Variants in UGT1A8 observed in about 807,000 individuals in gnomAD.
UGT1A8 encodes the protein UDP glucuronosyltransferase family 1 member A8.
Under a neutral mutation model 45.3 loss-of-function variants are expected in UGT1A8, and 39 were observed. The observed-to-expected ratio is 0.86, with a 90% CI of 0.67 to 1.12. The LOEUF is 1.12. Among genes scored for constraint, UGT1A8 ranks in the 50% most tolerant of loss-of-function variants. The probability of loss-of-function intolerance (pLI) is 0.00; values close to 1 mark genes in which losing one functional copy is unlikely to be tolerated. For synonymous variants in UGT1A8, 275 were observed against 249.2 expected (o/e 1.10, Z -0.97); for missense variants, 719 against 664.9 (o/e 1.08, Z -0.90).
At chr2:233,758,825 C>A (rs929060485) in intron 1 of UGT1A8, among the ~76,000 whole-genome samples, 2 of 152,114 alleles carry the variant, frequency 1.3e-5, no homozygotes, top group Admixed American at 6.5e-5. Flanking sequence ...ATATCCCCCC[C>A]AAAAAGAGTG....
intron 1 of UGT1A8, among the ~76,000 whole-genome samples, chr2:233,727,195 C>T (rs2077591611): frequency 6.6e-6 from 1 of 152,150 alleles, no homozygotes; most frequent in Non-Finnish European, 1.5e-5. Flanking sequence ...GCTGGGGTGA[C>T]CTCACTGACA....
At chr2:233,638,025 C>T (rs2073347544) in intron 1 of UGT1A8, among the ~76,000 whole-genome samples, 1 of 152,128 alleles carries the variant, frequency 6.6e-6, no homozygotes, top group African/African-American at 2.4e-5. Context: ...TGTGTAAACA[C>T]TCTTCAATAC....
In UGT1A8 at chr2:233,628,271, C is replaced by A. The variant is rs1030485641; in HGVS notation, c.855+9709C>A. On this transcript the variant is annotated intron_variant, in intron 1 of 4. Coordinates refer to ENST00000373450, the MANE Select transcript of UGT1A8 (RefSeq NM_019076.5). The stretch of plus-strand genomic sequence containing the variant: ...CTGCACATGGTTTCTGCAGTCATGG[C>A]ATAGCTTTAAAAATTTTTAGATATT... Among the ~76,000 whole-genome samples, 3 of 152,132 alleles carry A rather than the reference C, an allele frequency of 2.0e-5. No individual in the cohort carries two copies. The East Asian group carries it at 5.8e-4, about 29-fold the overall frequency.
At chr2:233,642,771 A>T (rs1042779881) in intron 1 of UGT1A8, among the ~76,000 whole-genome samples, 1 of 152,168 alleles carries the variant, frequency 6.6e-6, no homozygotes, top group South Asian at 2.1e-4. Context: ...AGACTTGTAG[A>T]TGTATTGCCT....
intron 1 of UGT1A8, among the ~76,000 whole-genome samples, chr2:233,623,276 G>T (rs1009643080): frequency 6.6e-6 from 1 of 152,158 alleles, no homozygotes; most frequent in Non-Finnish European, 1.5e-5. Flanking sequence ...GTCAATGGTG[G>T]CTTGATGGGG....
At chr2:233,700,072 A>C (rs2075542026) in intron 1 of UGT1A8, among the ~76,000 whole-genome samples, 2 of 152,198 alleles carry the variant, frequency 1.3e-5, no homozygotes, top group South Asian at 4.1e-4. Flanking sequence ...GTGTCTACCC[A>C]GCAAGGCCCC....
chr2:233,714,477 G>T (rs45505392), intron 1 of UGT1A8, among the ~76,000 whole-genome samples: 3,255 of 152,164 alleles, frequency 0.021, 104 homozygotes, highest in African/African-American at 0.073. Context: ...ATAGGAGAAT[G>T]TTTCTTGTGA....
At chr2:233,693,140 G>A in intron 1 of UGT1A8, 1 of 1,614,230 alleles carries the variant, frequency 6.2e-7, no homozygotes, top group South Asian at 1.1e-5. Flanking sequence ...GAAGGATATA[G>A]TTGAGGTTCT....
Position 233,769,261 on chromosome 2 carries a change from C to T in UGT1A8, c.1295+822C>T, listed in dbSNP as rs1242622914. ...ATTTGCTCAAATGTGGCCCTGAAAA[C>T]GATTCAAAGGGCAAATGATTTCTGG... On this transcript the variant is annotated intron_variant, in intron 4 of 4. Coordinates refer to ENST00000373450, the MANE Select transcript of UGT1A8 (RefSeq NM_019076.5). This position sits in a 1 kb window ranked among gnomAD's most constrained non-coding sequence, Gnocchi z 4.4. 1.3e-5 allele frequency among the ~76,000 whole-genome samples: 2 copies of T among 152,124 alleles called. No homozygotes were observed. Among genetic ancestry groups the T allele is most frequent in the African/African-American group, 2.4e-5 (1 of 41,420 alleles).
rs1298347226 is a variant in UGT1A8, at chr2:233,768,214, T to C, written c.1076-6T>C. ...CTGCTGACATCCTCCCTATTTTGCA[T>C]CTCAGGTCACCCGATGACCCGTGCC... On this transcript the variant is annotated splice_polypyrimidine_tract_variant and splice_region_variant and intron_variant, in intron 3 of 4. Coordinates refer to ENST00000373450, the MANE Select transcript of UGT1A8 (RefSeq NM_019076.5). The C allele has an allele frequency of 3.7e-6, 6 of 1,614,204 alleles. No homozygotes were observed. The highest frequency in any genetic ancestry group is 5.1e-6 in the Non-Finnish European group (6 of 1,180,044).
rs530894832 is a variant in UGT1A8, at chr2:233,736,505, A to T, written c.856-30529A>T. 2.0e-5 allele frequency among the ~76,000 whole-genome samples: 3 copies of T among 152,320 alleles called. No individual in the cohort carries two copies. The East Asian group carries it at 5.8e-4, about 29-fold the overall frequency. On this transcript the variant is annotated intron_variant, in intron 1 of 4. Transcript: ENST00000373450. ...TGTTACTACCAAACTTCTGAAGCCT[A>T]CTTCTGTCAACTCGTCAAAGTCATT... is the stretch of plus-strand genomic sequence containing the variant.
chr2:233,763,191 T>C lies in UGT1A8; in HGVS notation c.856-3843T>C, dbSNP rs182750749. Among the ~76,000 whole-genome samples, 498 of 152,362 alleles carry C rather than the reference T, an allele frequency of 3.3e-3. 1 individual carries two copies. Among genetic ancestry groups the C allele is most frequent in the South Asian group, 5.6e-3 (27 of 4,830 alleles). ...GTTGACTACATATTTGTTGTTGCCT[T>C]GTTTGGTGCAGTCAGGCTTAGGTGT... is the stretch of plus-strand genomic sequence containing the variant. On this transcript the variant is annotated intron_variant, in intron 1 of 4. Coordinates refer to ENST00000373450, the MANE Select transcript of UGT1A8 (RefSeq NM_019076.5).
chr2:233,770,422 G>A (rs995965680), intron 4 of UGT1A8: 1 of 152,196 alleles, frequency 6.6e-6, no homozygotes, highest in Non-Finnish European at 1.5e-5. Flanking sequence ...GGGAGGCCGA[G>A]GCAGGTGGAT....
chr2:233,618,676 C>G (rs746579300), intron 1 of UGT1A8, 114 bp downstream of exon 1: 10 of 1,507,064 alleles, frequency 6.6e-6, no homozygotes, highest in Admixed American at 2.2e-5. Context: ...AAATTTCTTT[C>G]CAGTTTAACA....
chr2:233,649,153 T>A, intron 1 of UGT1A8: 1 of 542,130 alleles, frequency 1.8e-6, no homozygotes, highest in Non-Finnish European at 2.7e-6. Flanking sequence ...TGTAAAAAAT[T>A]ATTTTGTGCC....
chr2:233,735,011 C>T (rs554046277), intron 1 of UGT1A8, among the ~76,000 whole-genome samples: 7 of 152,192 alleles, frequency 4.6e-5, no homozygotes, highest in Non-Finnish European at 1.0e-4. Flanking sequence ...GTGGAGAGTT[C>T]TGTAGATGTC....
At chr2:233,747,330 C>T (rs896598113) in intron 1 of UGT1A8, 17 of 1,603,408 alleles carry the variant, frequency 1.1e-5, no homozygotes, top group Non-Finnish European at 1.2e-5. Flanking sequence ...TTGATGGCAG[C>T]CACTGGCTCG....
chr2:233,766,694 C>G (rs996253647), intron 1 of UGT1A8, among the ~76,000 whole-genome samples: 7 of 152,162 alleles, frequency 4.6e-5, no homozygotes, highest in Non-Finnish European at 1.0e-4. Context: ...ATCACTGATG[C>G]CTTGCTCTGT....
chr2:233,689,917 A>C (rs562345639), intron 1 of UGT1A8: 9 of 456,690 alleles, frequency 2.0e-5, no homozygotes, highest in African/African-American at 1.8e-4. Context: ...AGGTGCCTGG[A>C]ATTTCCTTCG....
Sources: gnomAD v4.1 joint callset for allele counts (sites outside exome capture counted in the v4.1 genomes callset) on GRCh38, gnomAD v4.1.1 for gene constraint, Gnocchi (gnomAD v3.1) non-coding constraint, MANE v1.5 for transcripts, NCBI Gene and HGNC (gene_info 2026-07-23, HGNC 2026-07-21) for gene names.